Variants in NAV2 observed in about 807,000 individuals in gnomAD.
NAV2 encodes helicase, APC down-regulated 1.
NAV2 carries 54 observed loss-of-function variants against 223.2 expected under a neutral mutation model. That is an observed-to-expected ratio of 0.24 (90% confidence interval 0.19 to 0.30). The LOEUF (loss-of-function observed/expected upper bound fraction) is 0.30, where lower values mean the gene tolerates loss of function less well. Ranked by LOEUF, NAV2 falls within the 10% of genes least tolerant of loss-of-function variation. NAV2 has a pLI of 1.00. For missense variants in NAV2, 2,806 were observed against 3,147.5 expected, an observed-to-expected ratio of 0.89 and a Z score of 2.60; for synonymous variants, 1,279 against 1,239.3, an observed-to-expected ratio of 1.03 and a Z score of -0.67.
At chr11:19,563,433 AC>A (rs1336721745) in intron 1 of NAV2, among the ~76,000 whole-genome samples, 1 of 152,190 alleles carries the variant, frequency 6.6e-6, no homozygotes, top group Non-Finnish European at 1.5e-5. Flanking sequence ...ACACAGAGGG[AC>A]CTTTATAGAC....
At chr11:19,880,369 C>A (rs1211716274) in intron 5 of NAV2, among the ~76,000 whole-genome samples, 1 of 152,188 alleles carries the variant, frequency 6.6e-6, no homozygotes, top group Non-Finnish European at 1.5e-5. Context: ...ATTACCTGCT[C>A]CTGCTATTAC....
intron 1 of NAV2, among the ~76,000 whole-genome samples, chr11:19,749,916 A>C (rs1298344255): frequency 6.6e-6 from 1 of 152,224 alleles, no homozygotes; most frequent in East Asian, 1.9e-4. Context: ...GCATTCAGAT[A>C]CTTTGTTTCT....
chr11:20,060,803 A>G (rs1383279107), intron 19 of NAV2, among the ~76,000 whole-genome samples: 2 of 152,256 alleles, frequency 1.3e-5, no homozygotes, highest in Non-Finnish European at 2.9e-5. Context: ...AGTACTGTCT[A>G]GGGCAAGCTT....
chr11:19,793,646 C>A (rs1446995402), intron 1 of NAV2, among the ~76,000 whole-genome samples: 1 of 152,204 alleles, frequency 6.6e-6, no homozygotes. Context: ...CATAGGTGGC[C>A]AGAGTGGCCT....
Position 20,050,572 on chromosome 11 carries a change from GAA to G in NAV2, c.4436+689_4436+690del, listed in dbSNP as rs1260684558. 4.4e-3 allele frequency among the ~76,000 whole-genome samples: 312 copies of G among 70,116 alleles called. 1 individual carries two copies. Among genetic ancestry groups the G allele is most frequent in the African/African-American group, 0.013 (282 of 22,232 alleles). The allele number at this position is 70,116 out of a possible 152,430, so 46.0% of individuals were successfully genotyped here. A position where few individuals can be genotyped will look rare whatever the true frequency, so the allele number is the denominator to read the frequency against. Reference sequence around the variant, plus strand: ...AACAAACAGATGTTGTCTCCTGCCAGAAAAAAAAAAAAAAAAAAACCTTCACC... The same window carrying G: ...AACAAACAGATGTTGTCTCCTGCCAGAAAAAAAAAAAAAAAAACCTTCACC... On this transcript the variant is annotated intron_variant, in intron 16 of 37. Transcript: ENST00000349880.
At position 20,106,626 on chromosome 11, in the gene NAV2, G is replaced by GTTTTTGTTTTTGTTT. The variant is rs1554969327; in HGVS notation, c.6841+901_6841+902insTTTGTTTTTGTTTTT. ...GAGCATTCTTTGTTGCTACTCAGTT[G>GTTTTTGTTTTTGTTT]TTGTTTTTGTTTTTGTTTTTGTTTT... On this transcript the variant is annotated intron_variant, in intron 35 of 37. Coordinates refer to ENST00000349880, the MANE Select transcript of NAV2 (RefSeq NM_145117.5). 3.3e-5 allele frequency among the ~76,000 whole-genome samples: 5 copies of GTTTTTGTTTTTGTTT among 149,608 alleles called. No homozygotes were observed. The East Asian group carries it at 7.8e-4, about 23-fold the overall frequency.
At chr11:20,101,278 G>A in intron 32 of NAV2, 106 bp downstream of exon 32, 3 of 949,726 alleles carry the variant, frequency 3.2e-6, no homozygotes, top group Non-Finnish European at 4.8e-6. Flanking sequence ...CAATCCTTGG[G>A]TGGTTTTAGA....
intron 1 of NAV2, among the ~76,000 whole-genome samples, chr11:19,378,143 C>G (rs1009174698): frequency 6.6e-6 from 1 of 152,160 alleles, no homozygotes; most frequent in Non-Finnish European, 1.5e-5. Context: ...TGAAGTGATG[C>G]GTACCGCAAA....
At chr11:20,110,598 C>A (rs1237430694) in intron 36 of NAV2, among the ~76,000 whole-genome samples, 1 of 152,110 alleles carries the variant, frequency 6.6e-6, no homozygotes, top group African/African-American at 2.4e-5. Context: ...CCCTTGGCTA[C>A]TTCTGTTATT....
intron 1 of NAV2, among the ~76,000 whole-genome samples, chr11:19,546,960 T>C (rs1273663396): frequency 1.3e-5 from 2 of 152,230 alleles, no homozygotes; most frequent in Admixed American, 6.5e-5. Context: ...AGGTCACTAT[T>C]GATACCTGGA....
intron 24 of NAV2, among the ~76,000 whole-genome samples, chr11:20,078,978 A>G (rs1270266410): frequency 6.6e-6 from 1 of 152,220 alleles, no homozygotes; most frequent in African/African-American, 2.4e-5. Context: ...CAATCTTGTG[A>G]GTGTGATTCT....
At chr11:19,776,493 G>A (rs1222760040) in intron 1 of NAV2, among the ~76,000 whole-genome samples, 1 of 152,068 alleles carries the variant, frequency 6.6e-6, no homozygotes, top group Non-Finnish European at 1.5e-5. Context: ...GCCAGGCAAG[G>A]TGTGTTTGGA....
At chr11:19,668,096 C>T (rs1210643763) in intron 1 of NAV2, among the ~76,000 whole-genome samples, 2 of 152,150 alleles carry the variant, frequency 1.3e-5, no homozygotes, top group African/African-American at 2.4e-5. Context: ...GCAGGACCCT[C>T]CTGGGAGCAG....
At chr11:19,559,070 G>A (rs991562246) in intron 1 of NAV2, among the ~76,000 whole-genome samples, 1 of 152,314 alleles carries the variant, frequency 6.6e-6, no homozygotes, top group Non-Finnish European at 1.5e-5. Context: ...AGAGACACAG[G>A]CCTCTCCTCT....
At chr11:19,620,850 G>C (rs1461165518) in intron 1 of NAV2, among the ~76,000 whole-genome samples, 1 of 152,122 alleles carries the variant, frequency 6.6e-6, no homozygotes, top group Admixed American at 6.5e-5. Context: ...GTTTTCAAAG[G>C]GAATGCTTCC....
intron 6 of NAV2, among the ~76,000 whole-genome samples, chr11:19,904,632 T>C (rs1378646123): frequency 6.6e-6 from 1 of 152,120 alleles, no homozygotes; most frequent in Non-Finnish European, 1.5e-5. Context: ...CAAATGAAGA[T>C]CTATATCCTG....
intron 1 of NAV2, among the ~76,000 whole-genome samples, chr11:19,389,058 C>T (rs77008564): frequency 0.041 from 6,251 of 152,298 alleles, 411 homozygotes; most frequent in African/African-American, 0.14. Flanking sequence ...CTCCTCTCTC[C>T]GGCTATGCTT....
At chr11:19,726,109 G>GATATATCA (rs1376450550) in intron 1 of NAV2, among the ~76,000 whole-genome samples, 1 of 152,194 alleles carries the variant, frequency 6.6e-6, no homozygotes, top group Admixed American at 6.5e-5. Flanking sequence ...AAGGAGAGGA[G>GATATATCA]ATATATCAAT....
At chr11:19,367,589 T>G (rs1388269477) in intron 1 of NAV2, among the ~76,000 whole-genome samples, 1 of 152,084 alleles carries the variant, frequency 6.6e-6, no homozygotes, top group East Asian at 1.9e-4. Flanking sequence ...GCTCTCTAGA[T>G]CCTCCCACCC....
Sources: allele counts gnomAD v4.1 joint callset (sites outside exome capture counted in the v4.1 genomes callset), GRCh38; gene constraint gnomAD v4.1.1; transcripts MANE v1.5; gene names NCBI Gene and HGNC (gene_info 2026-07-23, HGNC 2026-07-21).